TFG: variants seen among roughly 807,000 people sequenced by gnomAD.
TFG encodes trafficking from ER to golgi regulator.
In TFG, 22 loss-of-function variants were observed where a neutral mutation model predicts 51.4. The observed-to-expected ratio is 0.43, with a 90% confidence interval of 0.31 to 0.61. The LOEUF (loss-of-function observed/expected upper bound fraction) is 0.61, where lower values mean the gene tolerates loss of function less well. TFG is among the 20% of genes least tolerant of loss of function. TFG has a pLI of 0.12. For missense variants in TFG, 419 were observed against 487.7 expected, an observed-to-expected ratio of 0.86 and a Z score of 1.33; for synonymous variants, 187 against 165.6, an observed-to-expected ratio of 1.13 and a Z score of -0.99.
chr3:100,745,768 C>G (rs890570966), intron 7 of TFG, among the ~76,000 whole-genome samples: 1 of 152,148 alleles, frequency 6.6e-6, no homozygotes, highest in Non-Finnish European at 1.5e-5. Context: ...TAAAGTATAG[C>G]CCACAGGCCA....
At chr3:100,716,348 A>G (rs2095046461) in intron 2 of TFG, among the ~76,000 whole-genome samples, 1 of 152,128 alleles carries the variant, frequency 6.6e-6, no homozygotes, top group East Asian at 1.9e-4. Flanking sequence ...AGTTCCATCC[A>G]TGTTGCTGTG....
chr3:100,741,103 TCTCTTA>T (rs1407497760), intron 6 of TFG, among the ~76,000 whole-genome samples: 2 of 152,166 alleles, frequency 1.3e-5, no homozygotes, highest in African/African-American at 4.8e-5. Context: ...GATAGGTGAC[TCTCTTA>T]CTCATTTGTG....
intron 2 of TFG, among the ~76,000 whole-genome samples, chr3:100,718,715 ACT>A (rs887383347): frequency 1.3e-5 from 2 of 151,346 alleles, no homozygotes; most frequent in African/African-American, 4.9e-5. Flanking sequence ...ACACCACCAC[ACT>A]CGGCTGATTT....
chr3:100,736,579 C>T lies in TFG; in HGVS notation c.584C>T (p.Pro195Leu). The T allele has an allele frequency of 6.2e-7, 1 of 1,613,766 alleles. No individual in the cohort carries two copies. Among genetic ancestry groups the T allele is most frequent in the Non-Finnish European group, 8.5e-7 (1 of 1,179,872 alleles). Residue 195 changes from proline (P) to leucine (L), a missense_variant, in exon 6 of 8, where the codon CCA becomes CTA. By Grantham distance (98) the Pro-to-Leu change is moderately conservative. Coordinates refer to ENST00000240851, the MANE Select transcript of TFG (RefSeq NM_006070.6). ...FGLTDDQVSG[P>L]PSAPAEDRSG... is the part of the protein sequence containing the mutation. ...TGACTTTTTTTTGACTATCCAGGGCCACCCAGTGCTCCTGCAGAAGATCGT... is the reference window on the plus strand; with the variant it reads ...TGACTTTTTTTTGACTATCCAGGGCTACCCAGTGCTCCTGCAGAAGATCGT...
chr3:100,720,999 A>T (rs189737698), intron 3 of TFG, among the ~76,000 whole-genome samples: 3 of 152,120 alleles, frequency 2.0e-5, no homozygotes, highest in Admixed American at 6.6e-5. Flanking sequence ...ATCATGGTCT[A>T]TTGATTTAAT....
intron 2 of TFG, among the ~76,000 whole-genome samples, chr3:100,717,527 A>G (rs1014962129): frequency 2.0e-5 from 3 of 150,412 alleles, no homozygotes; most frequent in Admixed American, 6.6e-5. Context: ...TTGTTCTTAT[A>G]TAAGCATGGG....
chr3:100,726,163 TG>T (rs1466411153), intron 3 of TFG, among the ~76,000 whole-genome samples: 1 of 152,170 alleles, frequency 6.6e-6, no homozygotes, highest in Non-Finnish European at 1.5e-5. Flanking sequence ...GGGAAGCTGC[TG>T]GTACAAGCCC....
At chr3:100,710,743 C>T (rs2095028547) in intron 1 of TFG, among the ~76,000 whole-genome samples, 1 of 152,140 alleles carries the variant, frequency 6.6e-6, no homozygotes, top group Non-Finnish European at 1.5e-5. Context: ...GAAGCCGAGT[C>T]ATTTCTGGAC....
intron 5 of TFG, among the ~76,000 whole-genome samples, chr3:100,734,435 C>T (rs924957427): frequency 1.3e-5 from 2 of 152,074 alleles, no homozygotes; most frequent in East Asian, 1.9e-4. Flanking sequence ...CCTTCACTTC[C>T]GGGATTTTCC....
Position 100,718,305 on chromosome 3 carries a change from A to G in TFG, c.185-1670A>G, listed in dbSNP as rs73864125. 6.0e-3 allele frequency among the ~76,000 whole-genome samples: 907 copies of G among 152,200 alleles called. 12 individuals are homozygous for G. Among genetic ancestry groups the G allele is most frequent in the African/African-American group, 0.021 (856 of 41,512 alleles). The stretch of plus-strand genomic sequence containing the variant: ...CTCATTGACTGGCTTTCTCTTAACT[A>G]CTGTTTAGGGCAAAGGTCAGCAAAC... On this transcript the variant is annotated intron_variant, in intron 2 of 7. Transcript: ENST00000240851.
intron 3 of TFG, among the ~76,000 whole-genome samples, chr3:100,725,572 T>C (rs2149074032): frequency 6.9e-6 from 1 of 144,760 alleles, no homozygotes. Flanking sequence ...AGGTCAGGAG[T>C]TCGAGACCAG....
Position 100,728,871 on chromosome 3 carries a change from T to A in TFG, c.415+13T>A. ...ATTCCTGAAAATGGTAAACCCTGAA[T>A]CCATTGTATTCTGACTTATTGTTCT... On this transcript the variant is annotated intron_variant, in intron 4 of 7. Coordinates refer to ENST00000240851, the MANE Select transcript of TFG (RefSeq NM_006070.6). The A allele has an allele frequency of 1.3e-6, 2 of 1,586,714 alleles. No individual in the cohort carries two copies. Among genetic ancestry groups the A allele is most frequent in the Non-Finnish European group, 1.7e-6 (2 of 1,169,258 alleles).
At chr3:100,718,799 C>T (rs960815279) in intron 2 of TFG, among the ~76,000 whole-genome samples, 4 of 151,994 alleles carry the variant, frequency 2.6e-5, no homozygotes, top group Non-Finnish European at 5.9e-5. Context: ...CTCAGGTGAT[C>T]CGCCCACCTC....
Position 100,744,936 on chromosome 3 carries a change from GC to G in TFG, c.820+6del. 6.3e-7 allele frequency: 1 copy of G among 1,598,960 alleles called. No individual in the cohort carries two copies. The highest frequency in any genetic ancestry group is 8.5e-7 in the Non-Finnish European group (1 of 1,169,758). ...AGTATGGTATTCAGTATTCAGGTGA[GC>G]AGGTGTTGAAAGGGAGTTGGCTCAT... On this transcript the variant is annotated splice_donor_region_variant and intron_variant, in intron 7 of 7. Coordinates refer to ENST00000240851, the MANE Select transcript of TFG (RefSeq NM_006070.6).
At chr3:100,718,672 C>T (rs1381208084) in intron 2 of TFG, among the ~76,000 whole-genome samples, 1 of 149,698 alleles carries the variant, frequency 6.7e-6, no homozygotes, top group Admixed American at 6.8e-5. Flanking sequence ...ATTCTCCTGC[C>T]TCGGCCTCCC....
chr3:100,717,110 C>T lies in TFG; in HGVS notation c.185-2865C>T, dbSNP rs138036078. Reference sequence around the variant, plus strand: ...AGGTCTTATTCATGAAATCTTTTCCCGACCTATTAAAGAGGTTATCCTTTT... The same window carrying T: ...AGGTCTTATTCATGAAATCTTTTCCTGACCTATTAAAGAGGTTATCCTTTT... On this transcript the variant is annotated intron_variant, in intron 2 of 7. Transcript: ENST00000240851. Among the ~76,000 whole-genome samples, 21 of 152,196 alleles carry T rather than the reference C, an allele frequency of 1.4e-4. No individual in the cohort carries two copies. In the East Asian group the frequency reaches 1.5e-3, roughly 11 times the overall value.
intron 3 of TFG, among the ~76,000 whole-genome samples, chr3:100,720,744 T>C (rs2095058483): frequency 1.3e-5 from 2 of 152,218 alleles, no homozygotes; most frequent in African/African-American, 4.8e-5. Context: ...TTAAAAATAG[T>C]TCTGATAAAA....
intron 3 of TFG, among the ~76,000 whole-genome samples, chr3:100,723,510 CAT>C (rs2095066511): frequency 1.3e-5 from 2 of 151,870 alleles, no homozygotes; most frequent in Non-Finnish European, 2.9e-5. Flanking sequence ...TTCCAAGAGA[CAT>C]AAAAGATTAT....
At chr3:100,727,129 G>C (rs2095078189) in intron 3 of TFG, among the ~76,000 whole-genome samples, 1 of 152,082 alleles carries the variant, frequency 6.6e-6, no homozygotes, top group African/African-American at 2.4e-5. Context: ...GTGTGATGTT[G>C]GTGTTCTTTG....
Sources: allele counts gnomAD v4.1 joint callset (sites outside exome capture counted in the v4.1 genomes callset), GRCh38; gene constraint gnomAD v4.1.1; transcripts MANE v1.5; gene names NCBI Gene and HGNC (gene_info 2026-07-23, HGNC 2026-07-21).